Variants in RBPMS2 observed in about 807,000 individuals in gnomAD.
RBPMS2 encodes the protein RNA-binding protein with multiple splicing 2.
In RBPMS2, 14 loss-of-function variants were observed where a neutral mutation model predicts 25.7. The observed-to-expected ratio is 0.55, with a 90% CI of 0.36 to 0.85. RBPMS2 has a LOEUF of 0.85. RBPMS2 is among the 40% of genes least tolerant of loss of function. RBPMS2 has a pLI of 0.01. For missense variants in RBPMS2, 252 were observed against 283.4 expected, an observed-to-expected ratio of 0.89 and a Z score of 0.80; for synonymous variants, 127 against 115.6, an observed-to-expected ratio of 1.10 and a Z score of -0.63.
intron 3 of RBPMS2, among the ~76,000 whole-genome samples, 200 bp downstream of exon 3, chr15:64,750,143 G>A (rs557839269): frequency 3.3e-5 from 5 of 152,306 alleles, no homozygotes; most frequent in Admixed American, 1.3e-4. Context: ...AGACAGGGAG[G>A]ACCAGGAGCT....
At chr15:64,757,948 G>A (rs1340003187) in intron 1 of RBPMS2, among the ~76,000 whole-genome samples, 1 of 152,102 alleles carries the variant, frequency 6.6e-6, no homozygotes, top group East Asian at 1.9e-4. Context: ...TTGAATTCCA[G>A]CCTGGGCAAC....
chr15:64,775,170 C>G (rs902162346), intron 1 of RBPMS2, 63 bp downstream of exon 1: 3 of 973,906 alleles, frequency 3.1e-6, no homozygotes, highest in South Asian at 5.0e-5. Context: ...AGGCCCCGCT[C>G]GCCCTCTCCC....
In RBPMS2 at chr15:64,770,941, C is replaced by T. The variant is rs535048756; in HGVS notation, c.87+4292G>A. ...GGCTCTAGGATACCAGGCCTGCAAG[C>T]AGCAGCCCTGTCCCAGCCACACTGG... On this transcript the variant is annotated intron_variant, in intron 1 of 7. Transcript: ENST00000300069. 2.0e-5 allele frequency among the ~76,000 whole-genome samples: 3 copies of T among 152,184 alleles called. No homozygotes were observed. In the South Asian group the frequency reaches 6.2e-4, roughly 32 times the overall value.
rs2083640063 is a variant in RBPMS2, at chr15:64,748,465, A to T, written c.521T>A (p.Phe174Tyr). 6.2e-7 allele frequency: 1 copy of T among 1,614,128 alleles called. No individual in the cohort carries two copies. The highest frequency in any genetic ancestry group is 8.5e-7 in the Non-Finnish European group (1 of 1,179,998). The change falls in exon 6 of 8, where the codon TTC (phenylalanine) becomes TAC (tyrosine). Residue 174 changes from phenylalanine (F) to tyrosine (Y), a missense_variant. Transcript: ENST00000300069. ...ELTPAISHAA[F>Y]TYPTATAAAA... The stretch of plus-strand genomic sequence containing the variant: ...AGCGGCAGTGGCAGTTGGGTAGGTG[A>T]ACGCAGCATGGGAGATGGCTGGGGT...
At chr15:64,774,733 G>GCCGGCCGGCCGA (rs71133475) in intron 1 of RBPMS2, among the ~76,000 whole-genome samples, 1 of 12,942 alleles carries the variant, frequency 7.7e-5, no homozygotes, top group Admixed American at 1.1e-3. Flanking sequence ...GAACCGAGGA[G>GCCGGCCGGCCGA]CCGGCCGGCC....
intron 1 of RBPMS2, among the ~76,000 whole-genome samples, chr15:64,751,926 T>C (rs2083685589): frequency 6.6e-6 from 1 of 152,006 alleles, no homozygotes; most frequent in Non-Finnish European, 1.5e-5. Context: ...GAAAGCCCTG[T>C]TTGATAAGGG....
At chr15:64,753,680 C>T (rs763358925) in intron 1 of RBPMS2, among the ~76,000 whole-genome samples, 1 of 152,152 alleles carries the variant, frequency 6.6e-6, no homozygotes, top group Non-Finnish European at 1.5e-5. Flanking sequence ...GCTTGGGACG[C>T]ATCTTCTCCC....
chr15:64,744,845 C>T (rs1222087560), intron 6 of RBPMS2, among the ~76,000 whole-genome samples: 13 of 103,242 alleles, frequency 1.3e-4, no homozygotes, highest in South Asian at 1.0e-3. Context: ...GACAGAGTCT[C>T]GCTCTGTCAC....
chr15:64,771,103 C>T (rs2083890282), intron 1 of RBPMS2, among the ~76,000 whole-genome samples: 1 of 152,188 alleles, frequency 6.6e-6, no homozygotes, highest in Non-Finnish European at 1.5e-5. Context: ...AACTTATATC[C>T]TCCCTCAACC....
chr15:64,751,696 C>G (rs2083683274), intron 1 of RBPMS2, 58 bp from the exon 2 acceptor site: 4 of 1,429,788 alleles, frequency 2.8e-6, no homozygotes, highest in South Asian at 2.3e-5. Context: ...GGGATGACAA[C>G]AGCGCTTCCT....
chr15:64,748,549 G>A lies in RBPMS2; in HGVS notation c.437C>T (p.Ala146Val), dbSNP rs1270615571. ...ARDPYDLMGA[A>V]LIPASPEAWA... Reference sequence around the variant, plus strand: ...GGCCTCTGGGGATGCAGGGATCAGAGCAGCCCCCATCAGGTCATCTACAAC... The same window carrying A: ...GGCCTCTGGGGATGCAGGGATCAGAACAGCCCCCATCAGGTCATCTACAAC... The change falls in exon 6 of 8, where the codon GCT becomes GTT. Residue 146 changes from alanine to valine, a missense_variant. Physicochemically the swap from Ala to Val is moderately conservative, Grantham distance 64. Coordinates refer to ENST00000300069, the MANE Select transcript of RBPMS2 (RefSeq NM_194272.3). 1.3e-6 allele frequency: 2 copies of A among 1,578,432 alleles called. No individual in the cohort carries two copies. Among genetic ancestry groups the A allele is most frequent in the Non-Finnish European group, 1.7e-6 (2 of 1,162,760 alleles).
chr15:64,741,333 G>T, intron 6 of RBPMS2, 91 bp from the exon 7 acceptor site: 1 of 992,144 alleles, frequency 1.0e-6, no homozygotes, highest in Non-Finnish European at 1.5e-6. Context: ...CCCCGCTGGA[G>T]TCCTGGTTCT....
At chr15:64,774,467 C>T (rs990993272) in intron 1 of RBPMS2, among the ~76,000 whole-genome samples, 1 of 152,124 alleles carries the variant, frequency 6.6e-6, no homozygotes, top group African/African-American at 2.4e-5. Flanking sequence ...GGTGGTTCCA[C>T]GGAGCCGCCT....
chr15:64,754,330 G>A (rs904931447), intron 1 of RBPMS2, among the ~76,000 whole-genome samples: 6 of 151,036 alleles, frequency 4.0e-5, no homozygotes, highest in African/African-American at 1.5e-4. Flanking sequence ...AGAAAAAAAA[G>A]GCTGGGCGTG....
At chr15:64,749,813 A>G (rs2083658822) in intron 3 of RBPMS2, among the ~76,000 whole-genome samples, 1 of 152,184 alleles carries the variant, frequency 6.6e-6, no homozygotes, top group Admixed American at 6.5e-5. Flanking sequence ...CAGATAACTA[A>G]AAGTAAGTCC....
chr15:64,757,149 T>A (rs1418681447), intron 1 of RBPMS2, among the ~76,000 whole-genome samples: 1 of 151,922 alleles, frequency 6.6e-6, no homozygotes, highest in East Asian at 1.9e-4. Flanking sequence ...GCTTTTCCAT[T>A]TTTGTAGCGA....
intron 6 of RBPMS2, among the ~76,000 whole-genome samples, chr15:64,747,703 T>A (rs757206192): frequency 9.9e-5 from 15 of 152,130 alleles, no homozygotes; most frequent in Non-Finnish European, 1.9e-4. Flanking sequence ...AGGAAGCGCC[T>A]GCATGGCCAG....
intron 1 of RBPMS2, chr15:64,762,610 CAAAG>C: frequency 4.3e-6 from 2 of 464,980 alleles, no homozygotes; most frequent in Admixed American, 4.7e-5. Flanking sequence ...AAACAAAAGA[CAAAG>C]AACCTCAAAA....
intron 1 of RBPMS2, chr15:64,761,301 C>T (rs567143848): frequency 6.6e-6 from 1 of 152,314 alleles, no homozygotes; most frequent in Non-Finnish European, 1.5e-5. Context: ...CACATCCTTC[C>T]CCAACTCCCA....
Sources: gnomAD v4.1 joint callset for allele counts (sites outside exome capture counted in the v4.1 genomes callset) on GRCh38, gnomAD v4.1.1 for gene constraint, MANE v1.5 for transcripts, NCBI Gene and HGNC (gene_info 2026-07-23, HGNC 2026-07-21) for gene names.